OPCML: variants seen among roughly 807,000 people sequenced by gnomAD.
OPCML encodes opioid binding protein/cell adhesion molecule like, also known as opioid-binding protein/cell adhesion molecule.
In OPCML, 13 loss-of-function variants were observed where a neutral mutation model predicts 37.8. The ratio of observed to expected loss-of-function variants is 0.34; its 90% CI spans 0.22 to 0.55. The LOEUF (loss-of-function observed/expected upper bound fraction) is 0.55. Ranked by LOEUF, OPCML falls within the 20% of genes least tolerant of loss-of-function variation. OPCML has a pLI of 0.91. For missense variants in OPCML, 341 were observed against 435.6 expected (o/e 0.78, Z 1.93); for synonymous variants, 176 against 168.8 (o/e 1.04, Z -0.33).
rs1939010892 is a variant in OPCML, at chr11:133,205,196, T to G, written c.62-262186A>C. Among the ~76,000 whole-genome samples, 1 of 151,962 alleles carries G rather than the reference T, an allele frequency of 6.6e-6. No individual in the cohort carries two copies. The highest frequency in any genetic ancestry group is 2.4e-5 in the African/African-American group (1 of 41,358). ...ATCAATTATGGCAACCTAATGAAGC[T>G]TTGATAAAAAACCCAAAAGGCAGGG... On this transcript the variant is annotated intron_variant, in intron 1 of 7. Coordinates refer to ENST00000524381, the MANE Select transcript of OPCML (RefSeq NM_001012393.5). This position sits in a 1 kb window ranked among gnomAD's most constrained non-coding sequence, Gnocchi z 4.8.
At chr11:132,884,454 A>T (rs1029228043) in intron 2 of OPCML, among the ~76,000 whole-genome samples, 4 of 152,234 alleles carry the variant, frequency 2.6e-5, no homozygotes, top group Admixed American at 2.6e-4. Context: ...ATAAGGAGAC[A>T]AATACCAGGG....
chr11:132,477,255 G>C (rs2096159609), intron 4 of OPCML, among the ~76,000 whole-genome samples: 1 of 152,128 alleles, frequency 6.6e-6, no homozygotes, highest in Admixed American at 6.6e-5. Flanking sequence ...ACACATTCCT[G>C]GCTGCACATT....
chr11:133,022,230 A>G (rs1447108110), intron 1 of OPCML, among the ~76,000 whole-genome samples: 2 of 152,258 alleles, frequency 1.3e-5, no homozygotes, highest in African/African-American at 4.8e-5. Context: ...GACTTCACAC[A>G]GTAAACACTT....
At chr11:132,536,232 G>T (rs1311818651) in intron 3 of OPCML, among the ~76,000 whole-genome samples, 1 of 152,156 alleles carries the variant, frequency 6.6e-6, no homozygotes, top group Non-Finnish European at 1.5e-5. Flanking sequence ...TCACAACTCT[G>T]CCCTGTCTCT....
At chr11:133,028,332 T>A (rs1353878715) in intron 1 of OPCML, among the ~76,000 whole-genome samples, 2 of 152,056 alleles carry the variant, frequency 1.3e-5, no homozygotes, top group Admixed American at 6.6e-5. Flanking sequence ...AAAGGGTGCA[T>A]GTCCATACCA....
chr11:133,332,623 A>T (rs1377433551), intron 1 of OPCML, among the ~76,000 whole-genome samples: 1 of 152,138 alleles, frequency 6.6e-6, no homozygotes. Context: ...TTTCTTTAAT[A>T]CCTACTTTAT....
chr11:133,378,804 G>A (rs1191053881), intron 1 of OPCML, among the ~76,000 whole-genome samples: 1 of 151,756 alleles, frequency 6.6e-6, no homozygotes, highest in African/African-American at 2.4e-5. Context: ...GCAATCAGAG[G>A]TCATTGCAGC....
At chr11:133,094,011 C>A (rs748558276) in intron 1 of OPCML, among the ~76,000 whole-genome samples, 1 of 152,032 alleles carries the variant, frequency 6.6e-6, no homozygotes. Flanking sequence ...CTGCTGTCAT[C>A]TGAGTGCTAA....
intron 1 of OPCML, among the ~76,000 whole-genome samples, chr11:133,468,317 G>A (rs1257196616): frequency 6.6e-6 from 1 of 152,180 alleles, no homozygotes; most frequent in African/African-American, 2.4e-5. Flanking sequence ...TTTTCCTATA[G>A]GTGAAGAAAG....
At chr11:132,700,911 A>T (rs549660088) in intron 2 of OPCML, among the ~76,000 whole-genome samples, 1 of 152,246 alleles carries the variant, frequency 6.6e-6, no homozygotes, top group East Asian at 1.9e-4. Flanking sequence ...CTGTATTGTT[A>T]TCTATTTTGC....
intron 4 of OPCML, among the ~76,000 whole-genome samples, chr11:132,516,318 A>T (rs910735992): frequency 2.0e-5 from 3 of 152,280 alleles, no homozygotes; most frequent in African/African-American, 7.2e-5. Context: ...TTCTCCAAAC[A>T]TCCTTCACTC....
chr11:133,514,888 C>G (rs76306917), intron 1 of OPCML, among the ~76,000 whole-genome samples: 1 of 152,162 alleles, frequency 6.6e-6, no homozygotes, highest in Admixed American at 6.5e-5. Context: ...ATCACATGCT[C>G]ATTGAGAGAG....
chr11:132,973,914 G>A (rs1946399936), intron 1 of OPCML, among the ~76,000 whole-genome samples: 1 of 152,054 alleles, frequency 6.6e-6, no homozygotes, highest in Non-Finnish European at 1.5e-5. Context: ...GCACGGAGTG[G>A]ATCTGGCCTA....
At chr11:133,315,116 T>C (rs1943174117) in intron 1 of OPCML, among the ~76,000 whole-genome samples, 1 of 152,204 alleles carries the variant, frequency 6.6e-6, no homozygotes, top group South Asian at 2.1e-4. Context: ...TCTCTTATTA[T>C]ACATTTCTCT....
intron 4 of OPCML, among the ~76,000 whole-genome samples, chr11:132,445,338 C>A (rs765595426): frequency 6.6e-6 from 1 of 152,156 alleles, no homozygotes; most frequent in African/African-American, 2.4e-5. Context: ...CACTGTCAGA[C>A]CGGGAGTAGC....
rs1235228695 is a variant in OPCML at position 133,160,959 on chromosome 11, C to G, written c.62-217949G>C. On this transcript the variant is annotated intron_variant, in intron 1 of 7. Coordinates refer to ENST00000524381, the MANE Select transcript of OPCML (RefSeq NM_001012393.5). Reference sequence around the variant, plus strand: ...ATGTTCTGCACGGTGTGAGGCCTGCCCTGGAAGCAGCCCCGGCCCAGGTAC... The same window carrying G: ...ATGTTCTGCACGGTGTGAGGCCTGCGCTGGAAGCAGCCCCGGCCCAGGTAC... 2.6e-5 allele frequency among the ~76,000 whole-genome samples: 4 copies of G among 152,220 alleles called. No homozygotes were observed. In the South Asian group the frequency reaches 8.3e-4, roughly 31 times the overall value.
chr11:133,308,630 T>C (rs1565563235), intron 1 of OPCML, among the ~76,000 whole-genome samples: 2 of 152,106 alleles, frequency 1.3e-5, no homozygotes, highest in East Asian at 3.9e-4. Context: ...TCAGAGAAAC[T>C]AGATGCAGTT....
intron 1 of OPCML, among the ~76,000 whole-genome samples, chr11:133,480,817 A>G (rs529152346): frequency 4.6e-5 from 7 of 152,370 alleles, no homozygotes; most frequent in Middle Eastern, 6.8e-3. Context: ...TTTTAAGCCC[A>G]ATGGCATCTA....
At chr11:133,244,902 G>A (rs951473221) in intron 1 of OPCML, among the ~76,000 whole-genome samples, 5 of 152,212 alleles carry the variant, frequency 3.3e-5, no homozygotes, top group African/African-American at 1.2e-4. Context: ...GACTAATACA[G>A]CCTGAGAAGG....
Sources: gnomAD v4.1 joint callset for allele counts (sites outside exome capture counted in the v4.1 genomes callset) on GRCh38, gnomAD v4.1.1 for gene constraint, Gnocchi (gnomAD v3.1) non-coding constraint, MANE v1.5 for transcripts, NCBI Gene and HGNC (gene_info 2026-07-23, HGNC 2026-07-21) for gene names.